EXD1: variants seen among roughly 807,000 people sequenced by gnomAD.
EXD1 encodes the protein piRNA biogenesis protein EXD1.
EXD1 carries 63 observed loss-of-function variants against 49.1 expected under a neutral mutation model. That is an observed-to-expected ratio of 1.28 (90% CI 1.05 to 1.58). The LOEUF (loss-of-function observed/expected upper bound fraction) is 1.58, where lower values mean the gene tolerates loss of function less well. Ranked by LOEUF, EXD1 falls within the 40% of genes most tolerant of loss-of-function variation. The probability of loss-of-function intolerance (pLI) is 0.00; values close to 1 mark genes in which losing one functional copy is unlikely to be tolerated. For synonymous variants in EXD1, 234 were observed against 239.2 expected (o/e 0.98, Z 0.20); for missense variants, 748 against 666.0 (o/e 1.12, Z -1.36).
In EXD1 at chr15:41,215,965, T is replaced by G; in HGVS notation, c.389-132A>C. ...ATACCCTAAAATTGCAAAACCACCC[T>G]CCCTACGTACTACTTCTCTTCCTTT... On this transcript the variant is annotated intron_variant, in intron 5 of 11. Transcript: ENST00000458580. 1.1e-5 allele frequency: 8 copies of G among 760,832 alleles called. No homozygotes were observed. The South Asian group carries it at 1.2e-4, about 12-fold the overall frequency. The allele number at this position is 760,832 out of a possible 1,614,324, so 47.1% of individuals were successfully genotyped here.
intron 7 of EXD1, among the ~76,000 whole-genome samples, chr15:41,196,637 G>A (rs960056806): frequency 2.0e-5 from 3 of 151,226 alleles, no homozygotes; most frequent in African/African-American, 7.3e-5. Context: ...CACCATATTG[G>A]CCAGGCTGGT....
At chr15:41,196,602 G>A (rs955507613) in intron 7 of EXD1, among the ~76,000 whole-genome samples, 15 of 151,394 alleles carry the variant, frequency 9.9e-5, no homozygotes, top group South Asian at 4.2e-4. Flanking sequence ...ATGTGTGAGC[G>A]TCCATGTCCA....
intron 7 of EXD1, among the ~76,000 whole-genome samples, chr15:41,202,813 G>A (rs908891997): frequency 4.6e-5 from 7 of 151,770 alleles, no homozygotes; most frequent in African/African-American, 1.7e-4. Flanking sequence ...AGCTACTGAG[G>A]AGGCTGAGGC....
At chr15:41,187,620 G>A (rs1010376724) in intron 11 of EXD1, among the ~76,000 whole-genome samples, 2 of 151,944 alleles carry the variant, frequency 1.3e-5, no homozygotes, top group African/African-American at 4.8e-5. Context: ...ACACTTTCTT[G>A]GCTCTACTGA....
intron 10 of EXD1, among the ~76,000 whole-genome samples, chr15:41,191,053 G>A (rs574684381): frequency 1.3e-4 from 20 of 151,780 alleles, no homozygotes; most frequent in East Asian, 1.2e-3. Context: ...TCAGCCTCCC[G>A]AGTAGCTGAG....
At chr15:41,211,000 A>C (rs1554445) in intron 6 of EXD1, among the ~76,000 whole-genome samples, 27,673 of 152,204 alleles carry the variant, frequency 0.18, 3,248 homozygotes, top group Non-Finnish European at 0.26. Context: ...CAAAAGCTGC[A>C]TTCTCTACTG....
chr15:41,186,434 T>G (rs2140796085), intron 11 of EXD1, among the ~76,000 whole-genome samples: 1 of 131,126 alleles, frequency 7.6e-6, no homozygotes, highest in Middle Eastern at 5.0e-3. Flanking sequence ...ATTGCACCAC[T>G]GCACTCCAGC....
At chr15:41,190,383 G>A (rs1351252869) in intron 10 of EXD1, 11 of 408,484 alleles carry the variant, frequency 2.7e-5, no homozygotes, top group South Asian at 2.2e-5. Context: ...TGAGGCAGGA[G>A]AATCGCTTAA....
chr15:41,211,928 C>A (rs1381928144), intron 6 of EXD1, among the ~76,000 whole-genome samples: 5 of 152,012 alleles, frequency 3.3e-5, no homozygotes, highest in African/African-American at 1.2e-4. Flanking sequence ...CATGCCACTG[C>A]ACTCCAGCCT....
In EXD1 at chr15:41,222,638, A is replaced by AT. The variant is rs10555628; in HGVS notation, c.134-2741dup. Among the ~76,000 whole-genome samples the AT allele has an allele frequency of 3.8e-3, 504 of 133,758 alleles. 1 individual carries two copies. The highest frequency in any genetic ancestry group is 0.015 in the East Asian group (71 of 4,632). The allele number at this position is 133,758 out of a possible 152,430, so 87.8% of individuals were successfully genotyped here. ...TTTATTATAGTAAGTTTTTATTTAA[A>AT]TTTTTTTTTTTTTTTTTTTGCTGGA... On this transcript the variant is annotated intron_variant, in intron 2 of 11. Transcript: ENST00000458580.
At chr15:41,222,394 G>A (rs2047101743) in intron 2 of EXD1, among the ~76,000 whole-genome samples, 1 of 152,100 alleles carries the variant, frequency 6.6e-6, no homozygotes, top group Non-Finnish European at 1.5e-5. Context: ...GAGATTATAG[G>A]CATGAGCCAC....
chr15:41,194,227 G>A (rs1355459023), intron 9 of EXD1, among the ~76,000 whole-genome samples: 3 of 151,964 alleles, frequency 2.0e-5, no homozygotes, highest in Non-Finnish European at 4.4e-5. Flanking sequence ...TAGCCAGGAT[G>A]GTCTCAATCT....
rs553986868 is a variant in EXD1, at chr15:41,230,385, C to T, written c.-54+94G>A. On this transcript the variant is annotated intron_variant, in intron 1 of 11. Transcript: ENST00000458580. ...GGCGTGAGCCACCGTGCCAGGCCTA[C>T]CTTTTTAATCAAAACAAACAATACA... The T allele has an allele frequency of 3.5e-5, 49 of 1,399,250 alleles. No individual in the cohort carries two copies. The East Asian group carries it at 6.2e-4, about 18-fold the overall frequency. The allele number at this position is 1,399,250 out of a possible 1,614,324, so 86.7% of individuals were successfully genotyped here. A position where few individuals can be genotyped will look rare whatever the true frequency, so the allele number is the denominator to read the frequency against.
chr15:41,215,670 A>G, intron 6 of EXD1, 105 bp downstream of exon 6: 1 of 1,193,146 alleles, frequency 8.4e-7, no homozygotes, highest in Non-Finnish European at 1.2e-6. Flanking sequence ...TGGGCGATAG[A>G]GCAAGACTCC....
intron 11 of EXD1, among the ~76,000 whole-genome samples, chr15:41,189,008 T>C (rs961862796): frequency 2.0e-5 from 3 of 151,900 alleles, no homozygotes; most frequent in Non-Finnish European, 2.9e-5. Flanking sequence ...TTCATCATGT[T>C]GGCCAGGCTG....
intron 1 of EXD1, among the ~76,000 whole-genome samples, chr15:41,229,563 G>A (rs1010387941): frequency 6.6e-6 from 1 of 152,118 alleles, no homozygotes; most frequent in African/African-American, 2.4e-5. Flanking sequence ...GAGATACGGA[G>A]TTCGAGACCA....
At chr15:41,186,888 T>C (rs2046416890) in intron 11 of EXD1, among the ~76,000 whole-genome samples, 3 of 147,682 alleles carry the variant, frequency 2.0e-5, no homozygotes, top group Admixed American at 1.4e-4. Context: ...GATTCTTTTT[T>C]TTTTTCTTTT....
intron 1 of EXD1, among the ~76,000 whole-genome samples, chr15:41,228,287 G>A (rs2047192862): frequency 6.6e-6 from 1 of 152,078 alleles, no homozygotes; most frequent in South Asian, 2.1e-4. Context: ...GAAATAACTA[G>A]AGCCTAAGTC....
chr15:41,219,100 G>A (rs568664529), intron 3 of EXD1, among the ~76,000 whole-genome samples: 15 of 152,112 alleles, frequency 9.9e-5, no homozygotes, highest in Non-Finnish European at 2.1e-4. Context: ...GTCCTTGAAA[G>A]CAAGAACATT....
Sources: allele counts gnomAD v4.1 joint callset (sites outside exome capture counted in the v4.1 genomes callset), GRCh38; gene constraint gnomAD v4.1.1; transcripts MANE v1.5; gene names NCBI Gene and HGNC (gene_info 2026-07-23, HGNC 2026-07-21).